The following ITFG2 variants were observed in gnomAD, a reference collection of about 807,000 sequenced individuals.
ITFG2 encodes KICSTOR complex protein ITFG2.
Under a neutral mutation model 54.4 loss-of-function variants are expected in ITFG2, and 36 were observed. The observed-to-expected ratio is 0.66, with a 90% CI of 0.51 to 0.87. The LOEUF is 0.87. Among genes scored for constraint, ITFG2 ranks in the 40% least tolerant of loss-of-function variants. The pLI is 0.00. For synonymous variants in ITFG2, 211 were observed against 225.4 expected, an observed-to-expected ratio of 0.94 and a Z score of 0.57; for missense variants, 524 against 576.7, an observed-to-expected ratio of 0.91 and a Z score of 0.94.
intron 2 of ITFG2, chr12:2,855,101 G>A (rs1479142663): frequency 2.0e-6 from 3 of 1,535,582 alleles, no homozygotes; most frequent in Admixed American, 3.9e-5. Context: ...GAGGGAGGGG[G>A]GATGGGGTGC....
At chr12:2,821,909 CTCTG>C (rs2097946266) in intron 9 of ITFG2, 117 bp downstream of exon 9, 5 of 690,856 alleles carry the variant, frequency 7.2e-6, no homozygotes, top group East Asian at 5.4e-5. Context: ...TATCTTTAGT[CTCTG>C]TCTCTTTTTT....
At chr12:2,832,008 A>G (rs1376490184), upstream of ITFG2, among the ~76,000 whole-genome samples, 1 of 151,974 alleles carries the variant, frequency 6.6e-6, no homozygotes, top group Non-Finnish European at 1.5e-5. Context: ...TACCTTTCAA[A>G]TACATCTGCT....
intron 2 of ITFG2, among the ~76,000 whole-genome samples, chr12:2,854,739 C>T (rs758646260): frequency 1.3e-5 from 2 of 152,126 alleles, no homozygotes; most frequent in Non-Finnish European, 2.9e-5. Context: ...CCCTTGTCTC[C>T]ACCTCGTCCT....
Position 2,821,677 on chromosome 12 carries a change from C to T in ITFG2, c.848-15C>T, listed in dbSNP as rs539694485. On this transcript the variant is annotated splice_polypyrimidine_tract_variant and intron_variant, in intron 8 of 11. Transcript: ENST00000228799. The stretch of plus-strand genomic sequence containing the variant: ...GCCTATCCCACCCACACTCAGCCTG[C>T]CTCTCCCCCGGCAGGGACACTGAAG... The T allele has an allele frequency of 2.2e-5, 36 of 1,613,640 alleles. No individual in the cohort carries two copies. The highest frequency in any genetic ancestry group is 3.3e-5 in the Admixed American group (2 of 59,982).
upstream of ITFG2, chr12:2,834,494 G>C (rs1314971368): frequency 4.3e-6 from 5 of 1,157,286 alleles, no homozygotes; most frequent in Non-Finnish European, 4.6e-6. Context: ...AGAGCCTTGA[G>C]TTGGCAGGAT....
intron 6 of ITFG2, 113 bp downstream of exon 6, chr12:2,820,985 G>A (rs2097942248): frequency 3.5e-6 from 4 of 1,141,894 alleles, no homozygotes; most frequent in Non-Finnish European, 3.8e-6. Flanking sequence ...CCTCATCTAG[G>A]TCCCAACCCA....
intron 2 of ITFG2, chr12:2,854,780 T>A (rs2098081939): frequency 1.8e-6 from 2 of 1,129,768 alleles, no homozygotes; most frequent in Non-Finnish European, 2.4e-6. Context: ...AGTTTGGTTT[T>A]CAGATGGCCA....
chr12:2,828,178 C>G, downstream of ITFG2: 2 of 1,166,628 alleles, frequency 1.7e-6, no homozygotes, highest in Non-Finnish European at 2.5e-6. Flanking sequence ...AAATCCTTGC[C>G]TTCTCTGCCA....
At chr12:2,827,867 C>T, downstream of ITFG2, 3 of 1,611,682 alleles carry the variant, frequency 1.9e-6, no homozygotes, top group Non-Finnish European at 2.5e-6. This position sits in a 1 kb window ranked among gnomAD's most constrained non-coding sequence, Gnocchi z 4.0. Flanking sequence ...CAGCCTTTGC[C>T]CCACCCCAAA....
chr12:2,830,785 G>T (rs746985537), intron 2 of ITFG2: 1 of 1,613,876 alleles, frequency 6.2e-7, no homozygotes, highest in Non-Finnish European at 8.5e-7. Context: ...ATCAGGTCCT[G>T]CATCCGGGGA....
intron 4 of ITFG2, chr12:2,818,740 A>G (rs61916644): frequency 0.15 from 29,990 of 193,832 alleles, 2,774 homozygotes; most frequent in South Asian, 0.32. Flanking sequence ...GTACACGGCC[A>G]GACGTGATGG....
At position 2,817,237 on chromosome 12, in the gene ITFG2, G is replaced by T; in HGVS notation, c.111G>T (p.Val37=). ...DVDNDTLNEL[V]VGDTSGKVSV... ...TCCATTTGAAGTTAAATGAACTGGTGGTGGGAGACACCAGCGGGAAGGTGT... is the reference window on the plus strand; with the variant it reads ...TCCATTTGAAGTTAAATGAACTGGTTGTGGGAGACACCAGCGGGAAGGTGT... Residue 37 remains valine, a synonymous_variant, in exon 2 of 12, where the codon GTG becomes GTT. Transcript: ENST00000228799. 6.2e-7 allele frequency: 1 copy of T among 1,612,886 alleles called. No individual in the cohort carries two copies. Among genetic ancestry groups the T allele is most frequent in the African/African-American group, 1.3e-5 (1 of 75,020 alleles).
In ITFG2 at chr12:2,823,804, C is replaced by G; in HGVS notation, c.1101C>G (p.Pro367=). The G allele has an allele frequency of 1.3e-6, 2 of 1,594,112 alleles. No individual in the cohort carries two copies. The highest frequency in any genetic ancestry group is 1.7e-6 in the Non-Finnish European group (2 of 1,168,580). The part of the protein sequence containing the change: ...LYACKEGRNS[P]CLVYVTFNQK... ...CCTGCAAAGAGGGCCGCAACAGCCCCTGCCTCGTATATGTCACTTTCAACC... is the reference window on the plus strand; with the variant it reads ...CCTGCAAAGAGGGCCGCAACAGCCCGTGCCTCGTATATGTCACTTTCAACC... Residue 367 remains proline (P), a synonymous_variant, in exon 11 of 12, where the codon CCC becomes CCG. Transcript: ENST00000228799.
chr12:2,834,816 C>T (rs748481351), upstream of ITFG2: 12 of 1,613,780 alleles, frequency 7.4e-6, no homozygotes, highest in Middle Eastern at 3.3e-4. Flanking sequence ...CTCTCCTGGC[C>T]TCCTGCTTGG....
At chr12:2,823,436 G>A (rs918002222) in intron 10 of ITFG2, among the ~76,000 whole-genome samples, 2 of 152,216 alleles carry the variant, frequency 1.3e-5, no homozygotes, top group South Asian at 2.1e-4. Flanking sequence ...CTTTCTGATC[G>A]TGTTTTGCTA....
Position 2,845,796 on chromosome 12 carries a change from G to A in ITFG2, n.300+4801G>A, listed in dbSNP as rs1211328290. 3.3e-5 allele frequency among the ~76,000 whole-genome samples: 5 copies of A among 152,196 alleles called. No homozygotes were observed. In the East Asian group the frequency reaches 9.6e-4, roughly 29 times the overall value. On this transcript the variant is annotated intron_variant and non_coding_transcript_variant, in intron 2 of 3. Coordinates refer to the ITFG2 transcript ENST00000537710. This position sits in a 1 kb window ranked among gnomAD's most constrained non-coding sequence, Gnocchi z 4.2. ...TTTCAGGACCTCTAGGTTCATTCGT[G>A]TGTGGGGATGGAGTAAGGAGGTTGC...
At chr12:2,817,343 G>A in intron 2 of ITFG2, 25 bp downstream of exon 2, 7 of 1,548,476 alleles carry the variant, frequency 4.5e-6, no homozygotes, top group Non-Finnish European at 6.2e-6. Flanking sequence ...CCCTGGGCCT[G>A]GAGGGGGGAA....
chr12:2,821,180 C>T, intron 6 of ITFG2, 82 bp from the exon 7 acceptor site: 1 of 1,104,292 alleles, frequency 9.1e-7, no homozygotes, highest in South Asian at 1.4e-5. Flanking sequence ...CCCAGAAGCT[C>T]TTGCAGGGAT....
downstream of ITFG2, chr12:2,831,020 G>C: frequency 1.7e-6 from 1 of 595,872 alleles, no homozygotes; most frequent in East Asian, 3.1e-5. Flanking sequence ...TGAGAGCAGA[G>C]TAAGCCCCAG....
Sources: gnomAD v4.1 joint callset for allele counts (sites outside exome capture counted in the v4.1 genomes callset) on GRCh38, gnomAD v4.1.1 for gene constraint, Gnocchi (gnomAD v3.1) non-coding constraint, MANE v1.5 for transcripts, NCBI Gene and HGNC (gene_info 2026-07-23, HGNC 2026-07-21) for gene names.